The following SIK3 variants were observed in gnomAD, a reference collection of about 807,000 sequenced individuals.
SIK3 encodes serine/threonine-protein kinase SIK3.
SIK3 carries 28 observed loss-of-function variants against 144.2 expected under a neutral mutation model. The observed-to-expected ratio is 0.19, with a 90% confidence interval of 0.14 to 0.27. SIK3 has a LOEUF of 0.27. SIK3 is among the 10% of genes least tolerant of loss of function. The probability of loss-of-function intolerance (pLI) is 1.00; values close to 1 mark genes in which losing one functional copy is unlikely to be tolerated. For missense variants in SIK3, 1,319 were observed against 1,776.0 expected (o/e 0.74, Z 4.62); for synonymous variants, 686 against 676.3 (o/e 1.01, Z -0.22).
In SIK3 at chr11:117,088,032, C is replaced by T. The variant is rs116293968; in HGVS notation, c.273+10111G>A. 7.6e-3 allele frequency among the ~76,000 whole-genome samples: 1,155 copies of T among 152,244 alleles called. 13 individuals carry two copies. The highest frequency in any genetic ancestry group is 0.027 in the African/African-American group (1,110 of 41,528). ...ATCATTTGAGCCCAGGAGTTCAAGACCAGCCTAGCAACATAGCAAGACCCC... is the reference window on the plus strand; with the variant it reads ...ATCATTTGAGCCCAGGAGTTCAAGATCAGCCTAGCAACATAGCAAGACCCC... On this transcript the variant is annotated intron_variant, in intron 1 of 24. Coordinates refer to ENST00000445177, the MANE Select transcript of SIK3 (RefSeq NM_001366686.3).
At chr11:117,032,680 T>C (rs992078744) in intron 1 of SIK3, among the ~76,000 whole-genome samples, 65 of 151,732 alleles carry the variant, frequency 4.3e-4, no homozygotes, top group African/African-American at 1.3e-3. Context: ...TTTTCTTTTT[T>C]TTTTTTTTTT....
intron 16 of SIK3, 48 bp from the exon 17 acceptor site, chr11:116,862,375 C>T: frequency 6.2e-7 from 1 of 1,611,750 alleles, no homozygotes; most frequent in South Asian, 1.1e-5. Context: ...AGACCCGCCT[C>T]ATGCAGTGAT....
At chr11:116,855,388 T>A (rs1942823863) in intron 21 of SIK3, 1 of 152,148 alleles carries the variant, frequency 6.6e-6, no homozygotes, top group Non-Finnish European at 1.5e-5. Context: ...AATCTCTCCC[T>A]CCTCTGGTGC....
chr11:116,992,297 C>A (rs1363350212), intron 1 of SIK3, among the ~76,000 whole-genome samples: 1 of 148,800 alleles, frequency 6.7e-6, no homozygotes, highest in Non-Finnish European at 1.5e-5. Flanking sequence ...TGCACTCCAG[C>A]CTGGGCAACA....
At chr11:116,876,197 AAGC>A in intron 8 of SIK3, 53 bp downstream of exon 8, 1 of 1,541,130 alleles carries the variant, frequency 6.5e-7, no homozygotes. Context: ...AAAATGGAAA[AAGC>A]AGGTTAGAGG....
At chr11:116,980,851 G>A (rs111934579) in intron 1 of SIK3, among the ~76,000 whole-genome samples, 57 of 141,940 alleles carry the variant, frequency 4.0e-4, no homozygotes, top group African/African-American at 1.3e-3. Flanking sequence ...ACCCTGTCTC[G>A]AAAAAAAAAA....
chr11:116,891,562 C>G (rs575782778), intron 6 of SIK3, among the ~76,000 whole-genome samples: 1 of 152,268 alleles, frequency 6.6e-6, no homozygotes, highest in East Asian at 1.9e-4. Flanking sequence ...TAAGCCAATG[C>G]TTTGCCACCT....
chr11:117,050,970 G>A (rs1953211325), intron 1 of SIK3, among the ~76,000 whole-genome samples: 1 of 152,054 alleles, frequency 6.6e-6, no homozygotes, highest in African/African-American at 2.4e-5. Context: ...CTAAGGAATG[G>A]CCCAGACAGC....
chr11:116,865,593 A>T (rs1943591550), intron 15 of SIK3, among the ~76,000 whole-genome samples: 1 of 152,190 alleles, frequency 6.6e-6, no homozygotes, highest in African/African-American at 2.4e-5. Flanking sequence ...GTGTTAGTTT[A>T]AAAAAATTTT....
At chr11:117,023,596 AC>A (rs1951866156) in intron 1 of SIK3, among the ~76,000 whole-genome samples, 3 of 52,628 alleles carry the variant, frequency 5.7e-5, no homozygotes, top group African/African-American at 1.2e-4. Flanking sequence ...AAACAAACAA[AC>A]AAACAAACAA....
At chr11:117,047,744 A>C (rs1953035229) in intron 1 of SIK3, among the ~76,000 whole-genome samples, 1 of 152,088 alleles carries the variant, frequency 6.6e-6, no homozygotes, top group Non-Finnish European at 1.5e-5. Flanking sequence ...GGAGTTTGAG[A>C]CCAGCCTGGG....
intron 6 of SIK3, among the ~76,000 whole-genome samples, chr11:116,889,996 A>G (rs1172906576): frequency 6.6e-6 from 1 of 152,210 alleles, no homozygotes; most frequent in East Asian, 1.9e-4. Flanking sequence ...GGATAAGACT[A>G]CTCTCCAGAG....
chr11:116,862,554 G>A (rs1433447956), intron 16 of SIK3, among the ~76,000 whole-genome samples: 1 of 152,242 alleles, frequency 6.6e-6, no homozygotes, highest in Non-Finnish European at 1.5e-5. Flanking sequence ...GCCTTTGTAT[G>A]AGTACAAGTG....
chr11:116,913,973 G>A (rs1471942897), intron 4 of SIK3, among the ~76,000 whole-genome samples: 4 of 151,932 alleles, frequency 2.6e-5, no homozygotes, highest in African/African-American at 9.7e-5. Flanking sequence ...AAGACATATG[G>A]TCTGATAAGC....
intron 13 of SIK3, among the ~76,000 whole-genome samples, chr11:116,870,924 G>A (rs1021133537): frequency 1.9e-4 from 29 of 152,268 alleles, no homozygotes; most frequent in African/African-American, 7.0e-4. Context: ...TTGAGGACCC[G>A]AAAATACAGT....
intron 1 of SIK3, among the ~76,000 whole-genome samples, chr11:117,015,021 G>A (rs896540487): frequency 1.2e-4 from 18 of 152,114 alleles, no homozygotes; most frequent in African/African-American, 2.9e-4. Flanking sequence ...CTGTGATCAC[G>A]CCACTGCACT....
chr11:117,031,627 T>C lies in SIK3; in HGVS notation c.273+66516A>G, dbSNP rs199986368. On this transcript the variant is annotated intron_variant, in intron 1 of 24. Coordinates refer to ENST00000445177, the MANE Select transcript of SIK3 (RefSeq NM_001366686.3). ...ACCTCCACTGCACAGGTTCAAGGGATTCTCTGCCTCACCCTCCCAAGTAGC... is the reference window on the plus strand; with the variant it reads ...ACCTCCACTGCACAGGTTCAAGGGACTCTCTGCCTCACCCTCCCAAGTAGC... Among the ~76,000 whole-genome samples the C allele has an allele frequency of 5.0e-4, 76 of 151,398 alleles. 2 individuals are homozygous for C. In the East Asian group the frequency reaches 0.014, roughly 27 times the overall value.
intron 6 of SIK3, among the ~76,000 whole-genome samples, chr11:116,895,269 C>T (rs1945336214): frequency 6.6e-6 from 1 of 152,180 alleles, no homozygotes; most frequent in African/African-American, 2.4e-5. Flanking sequence ...CCAGGGGGTG[C>T]TCTTCCCCGG....
chr11:116,901,395 C>G (rs1223511594), intron 4 of SIK3, among the ~76,000 whole-genome samples: 1 of 152,170 alleles, frequency 6.6e-6, no homozygotes, highest in Non-Finnish European at 1.5e-5. Flanking sequence ...TGGCCAGCAA[C>G]GAGAGCCTCT....
Sources: allele counts gnomAD v4.1 joint callset (sites outside exome capture counted in the v4.1 genomes callset), GRCh38; gene constraint gnomAD v4.1.1; transcripts MANE v1.5; gene names NCBI Gene and HGNC (gene_info 2026-07-23, HGNC 2026-07-21).